The following CTNND2 variants were observed in gnomAD, a reference collection of about 807,000 sequenced individuals.
CTNND2 encodes catenin delta-2.
CTNND2 carries 22 observed loss-of-function variants against 144.4 expected under a neutral mutation model. That is an observed-to-expected ratio of 0.15 (90% confidence interval 0.11 to 0.22). CTNND2 has a LOEUF of 0.22. Among genes scored for constraint, CTNND2 ranks in the 10% least tolerant of loss-of-function variants. The pLI, the probability that CTNND2 is intolerant of heterozygous loss-of-function variation, is 1.00. For missense variants in CTNND2, 1,353 were observed against 1,618.8 expected (o/e 0.84, Z 2.82); for synonymous variants, 751 against 695.6 (o/e 1.08, Z -1.25).
At chr5:11,743,429 T>C (rs952713474) in intron 1 of CTNND2, among the ~76,000 whole-genome samples, 1 of 152,198 alleles carries the variant, frequency 6.6e-6, no homozygotes, top group Non-Finnish European at 1.5e-5. Context: ...CTGAGAATGA[T>C]GTACACTTTG....
At chr5:11,423,371 T>C (rs903080566) in intron 3 of CTNND2, among the ~76,000 whole-genome samples, 9 of 152,202 alleles carry the variant, frequency 5.9e-5, no homozygotes, top group East Asian at 5.8e-4. Flanking sequence ...AGGTGGATTA[T>C]CCATAACTGA....
In CTNND2 at chr5:10,973,170, C is replaced by T. The variant is rs770580958; in HGVS notation, c.*283G>A. On this transcript the variant is annotated 3_prime_UTR_variant, in exon 22 of 22. Coordinates refer to ENST00000304623, the MANE Select transcript of CTNND2 (RefSeq NM_001332.4). This position sits in a 1 kb window ranked among gnomAD's most constrained non-coding sequence, Gnocchi z 5.6. ...GCCTCGTCTCTCCTCCCATCAACCACGTTCAGTATAAAGCACTTCTCGTTA... is the reference window on the plus strand; with the variant it reads ...GCCTCGTCTCTCCTCCCATCAACCATGTTCAGTATAAAGCACTTCTCGTTA... The T allele has an allele frequency of 3.3e-5, 10 of 303,122 alleles. No individual in the cohort carries two copies. Among genetic ancestry groups the T allele is most frequent in the African/African-American group, 1.7e-4 (8 of 46,446 alleles). 18.8% of individuals were successfully genotyped at this position (303,122 alleles called of 1,614,324 possible). A position where few individuals can be genotyped will look rare whatever the true frequency, so the allele number is the denominator to read the frequency against.
chr5:11,086,306 T>A (rs1486062234), intron 15 of CTNND2, among the ~76,000 whole-genome samples: 1 of 152,048 alleles, frequency 6.6e-6, no homozygotes, highest in Non-Finnish European at 1.5e-5. Context: ...CGTCCATGTG[T>A]GTCCTGGAGA....
intron 10 of CTNND2, among the ~76,000 whole-genome samples, chr5:11,213,408 C>T (rs886191105): frequency 1.3e-4 from 20 of 152,168 alleles, no homozygotes; most frequent in African/African-American, 4.6e-4. Flanking sequence ...CTTATTTTTT[C>T]ACATTTCTAT....
chr5:11,221,027 A>G (rs1355600110), intron 10 of CTNND2, among the ~76,000 whole-genome samples: 1 of 152,230 alleles, frequency 6.6e-6, no homozygotes, highest in Non-Finnish European at 1.5e-5. Context: ...AGTACAGAAG[A>G]GCAATGTGAA....
chr5:11,588,953 A>T, intron 2 of CTNND2: 1 of 985,430 alleles, frequency 1.0e-6, no homozygotes, highest in Non-Finnish European at 1.2e-6. Flanking sequence ...GGGAGTGAAG[A>T]ACAGCCTCGA....
chr5:10,995,396 A>C (rs1194892516), intron 18 of CTNND2, among the ~76,000 whole-genome samples: 1 of 152,178 alleles, frequency 6.6e-6, no homozygotes, highest in East Asian at 1.9e-4. Context: ...GACCAACCGA[A>C]TACCGAGGAG....
At chr5:11,898,193 TA>T (rs1737555218) in intron 1 of CTNND2, among the ~76,000 whole-genome samples, 1 of 152,212 alleles carries the variant, frequency 6.6e-6, no homozygotes, top group Non-Finnish European at 1.5e-5. Context: ...TCCCTTCCAA[TA>T]TCCCAACATG....
intron 2 of CTNND2, among the ~76,000 whole-genome samples, chr5:11,672,748 G>T (rs917457700): frequency 2.6e-5 from 4 of 152,134 alleles, no homozygotes; most frequent in Non-Finnish European, 5.9e-5. Context: ...GTACTGGAGG[G>T]AGTCTCCTGG....
rs1455506783 is a variant in CTNND2 at position 11,903,056 on chromosome 5, G to A, written c.37+761C>T. The A allele has an allele frequency of 1.2e-5, 4 of 347,110 alleles. No individual in the cohort carries two copies. Among genetic ancestry groups the A allele is most frequent in the African/African-American group, 8.9e-5 (4 of 44,930 alleles). The allele number at this position is 347,110 out of a possible 1,614,324, so 21.5% of individuals were successfully genotyped here. On this transcript the variant is annotated intron_variant, in intron 1 of 21. Coordinates refer to ENST00000304623, the MANE Select transcript of CTNND2 (RefSeq NM_001332.4). The surrounding 1 kb of genome is among the most constrained non-coding windows in gnomAD (Gnocchi z 5.4). ...ATCGAAGAAAACACACTACACACCA[G>A]AATAAGATGAGGGTCGGGAAAAAAA...
intron 7 of CTNND2, among the ~76,000 whole-genome samples, chr5:11,369,541 T>C (rs557702619): frequency 6.6e-6 from 1 of 152,370 alleles, no homozygotes; most frequent in African/African-American, 2.4e-5. Flanking sequence ...TACTAGATTT[T>C]ACATCTATCA....
intron 2 of CTNND2, among the ~76,000 whole-genome samples, chr5:11,711,002 T>C (rs573471760): frequency 2.0e-5 from 3 of 152,338 alleles, no homozygotes; most frequent in Non-Finnish European, 2.9e-5. Context: ...TGTGTTCTTA[T>C]TGACTCTAAT....
chr5:11,417,513 T>C (rs565074039), intron 3 of CTNND2, among the ~76,000 whole-genome samples: 39 of 152,214 alleles, frequency 2.6e-4, no homozygotes, highest in Admixed American at 2.3e-3. Context: ...CAGACATGCA[T>C]AGCTGGTGCA....
chr5:11,647,141 T>C (rs1000468691), intron 2 of CTNND2, among the ~76,000 whole-genome samples: 2 of 152,176 alleles, frequency 1.3e-5, no homozygotes, highest in Non-Finnish European at 2.9e-5. Context: ...TCTACTGTTC[T>C]TTGCTCTCTT....
At chr5:11,104,783 C>T (rs1259942417) in intron 14 of CTNND2, among the ~76,000 whole-genome samples, 1 of 152,140 alleles carries the variant, frequency 6.6e-6, no homozygotes, top group African/African-American at 2.4e-5. Flanking sequence ...ATTTATGTGG[C>T]ACTGCATTGT....
chr5:11,464,968 G>A (rs987653690), intron 3 of CTNND2, among the ~76,000 whole-genome samples: 4 of 152,164 alleles, frequency 2.6e-5, no homozygotes, highest in Non-Finnish European at 4.4e-5. Flanking sequence ...TATGGGCTGA[G>A]ATCCCAAAAT....
chr5:11,108,221 G>T lies in CTNND2; in HGVS notation c.2463+2637C>A, dbSNP rs149819084. Among the ~76,000 whole-genome samples, 5 of 152,326 alleles carry T rather than the reference G, an allele frequency of 3.3e-5. No individual in the cohort carries two copies. In the East Asian group the frequency reaches 9.6e-4, roughly 29 times the overall value. ...GGAGGGCCAGGCAGTGGAACAGCAT[G>T]AACAGAAGCGTAGAGGCTGGTCTGC... On this transcript the variant is annotated intron_variant, in intron 14 of 21. Coordinates refer to ENST00000304623, the MANE Select transcript of CTNND2 (RefSeq NM_001332.4).
At chr5:11,679,428 A>C (rs1258088806) in intron 2 of CTNND2, among the ~76,000 whole-genome samples, 1 of 152,204 alleles carries the variant, frequency 6.6e-6, no homozygotes, top group East Asian at 1.9e-4. Flanking sequence ...TTGAAGTCTC[A>C]GTTTTATACC....
At chr5:11,464,669 G>T (rs1766503659) in intron 3 of CTNND2, among the ~76,000 whole-genome samples, 1 of 152,178 alleles carries the variant, frequency 6.6e-6, no homozygotes, top group Non-Finnish European at 1.5e-5. Flanking sequence ...GGCTAGCCAT[G>T]GGGCAGAGAT....
Sources: gnomAD v4.1 joint callset for allele counts (sites outside exome capture counted in the v4.1 genomes callset) on GRCh38, gnomAD v4.1.1 for gene constraint, Gnocchi (gnomAD v3.1) non-coding constraint, MANE v1.5 for transcripts, NCBI Gene and HGNC (gene_info 2026-07-23, HGNC 2026-07-21) for gene names.